The following CERK variants were observed in gnomAD, a reference collection of about 807,000 sequenced individuals.
The protein encoded by CERK is acylsphingosine kinase.
CERK carries 39 observed loss-of-function variants against 63.4 expected under a neutral mutation model. The observed-to-expected ratio is 0.61, with a 90% CI of 0.48 to 0.80. The LOEUF (loss-of-function observed/expected upper bound fraction) is 0.80, where lower values mean the gene tolerates loss of function less well. Ranked by LOEUF, CERK falls within the 30% of genes least tolerant of loss-of-function variation. CERK has a pLI of 0.00. For synonymous variants in CERK, 302 were observed against 280.0 expected (o/e 1.08, Z -0.78); for missense variants, 670 against 714.1 (o/e 0.94, Z 0.70).
rs1413791734 is a variant in CERK at position 46,686,195 on chromosome 22, T to C, written c.*939A>G. ...AAAAGGACAAGATGTTCAATAAATATAGAGAACTCAGTGTGAAGAAAAGAC... is the reference window on the plus strand; with the variant it reads ...AAAAGGACAAGATGTTCAATAAATACAGAGAACTCAGTGTGAAGAAAAGAC... On this transcript the variant is annotated 3_prime_UTR_variant, in exon 13 of 13. Coordinates refer to ENST00000216264, the MANE Select transcript of CERK (RefSeq NM_022766.6). The C allele has an allele frequency of 6.6e-6, 1 of 152,126 alleles. No homozygotes were observed. Among genetic ancestry groups the C allele is most frequent in the Non-Finnish European group, 1.5e-5 (1 of 68,028 alleles). The allele number at this position is 152,126 out of a possible 1,614,324, so 9.4% of individuals were successfully genotyped here.
At chr22:46,709,350 G>A (rs773524887) in intron 5 of CERK, among the ~76,000 whole-genome samples, 4 of 152,228 alleles carry the variant, frequency 2.6e-5, no homozygotes, top group Non-Finnish European at 4.4e-5. Flanking sequence ...GAAAAGTGAA[G>A]ACGACTGTCT....
At chr22:46,692,446 A>G (rs1280535118) in intron 10 of CERK, among the ~76,000 whole-genome samples, 2 of 148,652 alleles carry the variant, frequency 1.3e-5, no homozygotes, top group African/African-American at 2.4e-5. Flanking sequence ...AAAAAAAAAA[A>G]AAAAAATTAG....
chr22:46,702,241 G>GTA (rs1236279855), intron 6 of CERK, among the ~76,000 whole-genome samples: 1 of 147,816 alleles, frequency 6.8e-6, no homozygotes, highest in Non-Finnish European at 1.5e-5. Context: ...GTGTGTGTGT[G>GTA]TGTGTGTGTG....
At chr22:46,735,436 C>G (rs1182465704) in intron 1 of CERK, 1 of 152,314 alleles carries the variant, frequency 6.6e-6, no homozygotes, top group African/African-American at 2.4e-5. Flanking sequence ...AAAGCCAGCT[C>G]CCTCTGTACA....
chr22:46,690,147 C>T lies in CERK; in HGVS notation c.1386G>A (p.Ser462=), dbSNP rs781456813. 2.2e-5 allele frequency: 35 copies of T among 1,613,864 alleles called. No individual in the cohort carries two copies. Among genetic ancestry groups the T allele is most frequent in the Admixed American group, 8.3e-5 (5 of 59,988 alleles). The change falls in exon 12 of 13, where the codon TCG becomes TCA. Residue 462 remains serine (S), a synonymous_variant. Coordinates refer to ENST00000216264, the MANE Select transcript of CERK (RefSeq NM_022766.6). ...VYRVKKFQFT[S]KHMEDEDSDL... ...CGCTGTCCTCATCCTCCATGTGCTTCGACGTAAACTGGAATTTCTTGACGC... is the reference window on the plus strand; with the variant it reads ...CGCTGTCCTCATCCTCCATGTGCTTTGACGTAAACTGGAATTTCTTGACGC...
intron 7 of CERK, 98 bp from the exon 8 acceptor site, chr22:46,699,563 CTT>C: frequency 8.7e-7 from 1 of 1,149,854 alleles, no homozygotes; most frequent in Non-Finnish European, 1.3e-6. Flanking sequence ...GTGGGAGTTA[CTT>C]TTAAAAAGTG....
chr22:46,718,719 T>A (rs1338759240), intron 3 of CERK, among the ~76,000 whole-genome samples: 1 of 152,216 alleles, frequency 6.6e-6, no homozygotes, highest in East Asian at 1.9e-4. Context: ...CAAAAATATA[T>A]AAAACTAACC....
intron 1 of CERK, among the ~76,000 whole-genome samples, chr22:46,723,453 T>A (rs1032876008): frequency 2.0e-5 from 3 of 151,964 alleles, no homozygotes; most frequent in Middle Eastern, 3.2e-3. Flanking sequence ...ACCCCGTCTC[T>A]ACTAAAAATA....
Position 46,689,207 on chromosome 22 carries a change from C to G in CERK, c.1541+785G>C, listed in dbSNP as rs114061207. On this transcript the variant is annotated intron_variant, in intron 12 of 12. Transcript: ENST00000216264. ...CACGGGGCGTCCCTCTGGGGCTCCT[C>G]CTCTCCTTCCCATCCTCGGGGTGCC... Among the ~76,000 whole-genome samples, 118 of 152,364 alleles carry G rather than the reference C, an allele frequency of 7.7e-4. 1 individual carries two copies. The highest frequency in any genetic ancestry group is 2.6e-3 in the African/African-American group (107 of 41,580).
intron 1 of CERK, among the ~76,000 whole-genome samples, chr22:46,727,954 C>T (rs1295562728): frequency 2.6e-5 from 4 of 152,144 alleles, no homozygotes; most frequent in African/African-American, 7.2e-5. Context: ...GGCATGTGGA[C>T]GGGCATGTCA....
intron 6 of CERK, among the ~76,000 whole-genome samples, chr22:46,707,518 A>G (rs2082818811): frequency 6.6e-6 from 1 of 152,074 alleles, no homozygotes; most frequent in South Asian, 2.1e-4. Flanking sequence ...CACTTCTTCC[A>G]GAACGCACCC....
chr22:46,709,353 G>A (rs1283463862), intron 5 of CERK, among the ~76,000 whole-genome samples: 1 of 152,196 alleles, frequency 6.6e-6, no homozygotes, highest in Non-Finnish European at 1.5e-5. Flanking sequence ...AAGTGAAGAC[G>A]ACTGTCTTCC....
At chr22:46,737,303 A>AC (rs1555990819) in intron 1 of CERK, among the ~76,000 whole-genome samples, 33 of 141,544 alleles carry the variant, frequency 2.3e-4, no homozygotes, top group African/African-American at 9.0e-4. Context: ...AAAAAAAAAA[A>AC]AAACAAAAAA....
intron 4 of CERK, among the ~76,000 whole-genome samples, 182 bp from the exon 5 acceptor site, chr22:46,711,331 C>T (rs1009183938): frequency 6.6e-6 from 1 of 152,172 alleles, no homozygotes; most frequent in Non-Finnish European, 1.5e-5. Context: ...CCTCAGGGAA[C>T]GTGAACATGA....
In CERK at chr22:46,714,975, C is replaced by T. The variant is rs7288442; in HGVS notation, c.380-2682G>A. On this transcript the variant is annotated intron_variant, in intron 3 of 12. Coordinates refer to ENST00000216264, the MANE Select transcript of CERK (RefSeq NM_022766.6). The surrounding 1 kb of genome is among the most constrained non-coding windows in gnomAD (Gnocchi z 4.4). ...ACAATGAGAAATTAATGTAACTCAA[C>T]ACATTAATTGAAAAAAAAAAAGAAA... 0.046 allele frequency among the ~76,000 whole-genome samples: 6,919 copies of T among 150,148 alleles called. 497 individuals are homozygous for T. Among genetic ancestry groups the T allele is most frequent in the African/African-American group, 0.16 (6,363 of 40,820 alleles).
chr22:46,728,622 AC>A (rs1416218882), intron 1 of CERK, among the ~76,000 whole-genome samples: 3 of 152,192 alleles, frequency 2.0e-5, no homozygotes, highest in African/African-American at 7.2e-5. Context: ...GCCAGAATGA[AC>A]CAAGCCCGAC....
At position 46,701,850 on chromosome 22, in the gene CERK, A is replaced by C. The variant is rs529581686; in HGVS notation, c.716-140T>G. On this transcript the variant is annotated intron_variant, in intron 6 of 12. Transcript: ENST00000216264. Reference sequence around the variant, plus strand: ...TAAGGAATAAATAGAATTTACCTACAAAATGAATATAGAAAATACTAGCGT... The same window carrying C: ...TAAGGAATAAATAGAATTTACCTACCAAATGAATATAGAAAATACTAGCGT... The C allele has an allele frequency of 3.2e-5, 20 of 621,894 alleles. No individual in the cohort carries two copies. The East Asian group carries it at 5.0e-4, about 16-fold the overall frequency. 38.5% of individuals were successfully genotyped at this position (621,894 alleles called of 1,614,324 possible).
At chr22:46,696,099 C>A (rs549229867) in intron 8 of CERK, among the ~76,000 whole-genome samples, 10 of 152,326 alleles carry the variant, frequency 6.6e-5, no homozygotes, top group African/African-American at 2.2e-4. Context: ...CACACAGAGG[C>A]CTCACATCCT....
intron 1 of CERK, among the ~76,000 whole-genome samples, chr22:46,734,561 C>A (rs1219648592): frequency 6.6e-6 from 1 of 152,144 alleles, no homozygotes; most frequent in Admixed American, 6.5e-5. Context: ...TGCTGCGATC[C>A]GGGTGATGTT....
Sources: allele counts gnomAD v4.1 joint callset (sites outside exome capture counted in the v4.1 genomes callset), GRCh38; gene constraint gnomAD v4.1.1; non-coding constraint Gnocchi (gnomAD v3.1); transcripts MANE v1.5; gene names NCBI Gene and HGNC (gene_info 2026-07-23, HGNC 2026-07-21).